The following LAPTM4B variants were observed in gnomAD, a reference collection of about 807,000 sequenced individuals.
LAPTM4B encodes the protein lysosomal-associated transmembrane protein 4B.
LAPTM4B carries 26 observed loss-of-function variants against 28.5 expected under a neutral mutation model. The ratio of observed to expected loss-of-function variants is 0.91; its 90% confidence interval spans 0.67 to 1.27. LAPTM4B has a LOEUF of 1.27. Among genes scored for constraint, LAPTM4B ranks in the 50% most tolerant of loss-of-function variants. The probability of loss-of-function intolerance (pLI) is 0.00; values close to 1 mark genes in which losing one functional copy is unlikely to be tolerated. For synonymous variants in LAPTM4B, 109 were observed against 106.4 expected (o/e 1.02, Z -0.15); for missense variants, 288 against 285.8 (o/e 1.01, Z -0.06).
chr8:97,849,915 G>A (rs1424310014), intron 6 of LAPTM4B, among the ~76,000 whole-genome samples: 1 of 149,294 alleles, frequency 6.7e-6, no homozygotes, highest in Non-Finnish European at 1.5e-5. Context: ...CGGTGGCAGC[G>A]CCTCTCAGGC....
At chr8:97,801,823 G>T (rs1003594191) in intron 1 of LAPTM4B, among the ~76,000 whole-genome samples, 3 of 135,154 alleles carry the variant, frequency 2.2e-5, no homozygotes, top group African/African-American at 8.6e-5. Flanking sequence ...CAGCCTGGGC[G>T]ACAGTGCGAA....
At chr8:97,823,031 CAG>C (rs1448141847) in intron 5 of LAPTM4B, among the ~76,000 whole-genome samples, 8 of 151,888 alleles carry the variant, frequency 5.3e-5, no homozygotes, top group Admixed American at 4.6e-4. Flanking sequence ...TTACTAGAGA[CAG>C]GGTTTCATCG....
intron 5 of LAPTM4B, among the ~76,000 whole-genome samples, chr8:97,823,088 A>G (rs928299347): frequency 6.6e-5 from 10 of 152,042 alleles, no homozygotes; most frequent in African/African-American, 9.7e-5. Context: ...TGATCCGCCC[A>G]CCTCGGCCTC....
chr8:97,787,287 CT>C (rs777122592), intron 1 of LAPTM4B, among the ~76,000 whole-genome samples: 267 of 129,490 alleles, frequency 2.1e-3, no homozygotes, highest in African/African-American at 3.0e-3. Flanking sequence ...ATGTTTCTTT[CT>C]TTTTTTTTTT....
intron 1 of LAPTM4B, among the ~76,000 whole-genome samples, chr8:97,788,897 T>C (rs1816451629): frequency 6.6e-6 from 1 of 151,874 alleles, no homozygotes; most frequent in Admixed American, 6.6e-5. Context: ...GGTTTCACCA[T>C]GTTGACCAGG....
Position 97,788,192 on chromosome 8 carries a change from C to T in LAPTM4B, c.99+12084C>T, listed in dbSNP as rs12678572. ...TTGACACAGTGTAAATATGTGTCAT[C>T]TTGTGTGTAATTCCTTATAGATCCA... On this transcript the variant is annotated intron_variant, in intron 1 of 6. Coordinates refer to ENST00000521545, the MANE Select transcript of LAPTM4B (RefSeq NM_018407.6). The T allele has an allele frequency of 0.025, 5,779 of 230,892 alleles. 504 individuals are homozygous for T. The East Asian group carries it at 0.33, about 13-fold the overall frequency. The allele number at this position is 230,892 out of a possible 1,614,324, so 14.3% of individuals were successfully genotyped here.
chr8:97,804,792 A>ACTGGC (rs370311995), intron 1 of LAPTM4B, among the ~76,000 whole-genome samples: 85 of 152,034 alleles, frequency 5.6e-4, no homozygotes, highest in East Asian at 7.7e-4. Context: ...AGACAGGACT[A>ACTGGC]CTGGCCTGGC....
chr8:97,819,763 C>A (rs1816975995), intron 5 of LAPTM4B, among the ~76,000 whole-genome samples: 1 of 123,314 alleles, frequency 8.1e-6, no homozygotes, highest in Non-Finnish European at 1.6e-5. Flanking sequence ...GAGATGGAGT[C>A]TCGCTCTGTC....
chr8:97,787,922 C>T (rs1816432297), intron 1 of LAPTM4B, among the ~76,000 whole-genome samples: 1 of 152,156 alleles, frequency 6.6e-6, no homozygotes, highest in South Asian at 2.1e-4. Context: ...GCAACCTCTT[C>T]TCCCAGGTTC....
In LAPTM4B at chr8:97,819,197, C is replaced by CT; in HGVS notation, c.468dup (p.Ile157TyrfsTer7). ...GTCAGTGAATCCTACCTGTTTGGTCCTTATTATTCTTCTGTTTATTAGCAT... is the reference window on the plus strand; with the variant it reads ...GTCAGTGAATCCTACCTGTTTGGTCCTTTATTATTCTTCTGTTTATTAGCAT... On this transcript the variant is annotated frameshift_variant, in exon 5 of 7. Coordinates refer to ENST00000521545, the MANE Select transcript of LAPTM4B (RefSeq NM_018407.6). LOFTEE classifies it high-confidence loss of function. The CT allele has an allele frequency of 6.2e-7, 1 of 1,608,018 alleles. No individual in the cohort carries two copies. The highest frequency in any genetic ancestry group is 8.5e-7 in the Non-Finnish European group (1 of 1,175,712).
intron 1 of LAPTM4B, among the ~76,000 whole-genome samples, chr8:97,779,691 A>G (rs1276341322): frequency 1.3e-5 from 2 of 151,378 alleles, no homozygotes; most frequent in African/African-American, 2.4e-5. Context: ...AGGCTGAGGC[A>G]TGAGAATTGC....
intron 5 of LAPTM4B, among the ~76,000 whole-genome samples, chr8:97,820,979 G>A (rs1006125684): frequency 1.1e-4 from 16 of 151,436 alleles, no homozygotes; most frequent in African/African-American, 3.9e-4. Context: ...TGCCTGCCTC[G>A]GCCTCCCAAA....
intron 6 of LAPTM4B, among the ~76,000 whole-genome samples, chr8:97,842,066 T>G (rs1441969831): frequency 1.3e-5 from 2 of 152,172 alleles, no homozygotes; most frequent in African/African-American, 4.8e-5. Flanking sequence ...TTTCAGGTTT[T>G]GGGGGCCATA....
intron 3 of LAPTM4B, among the ~76,000 whole-genome samples, 186 bp from the exon 4 acceptor site, chr8:97,815,872 C>G (rs1157278159): frequency 6.6e-6 from 1 of 152,134 alleles, no homozygotes; most frequent in Non-Finnish European, 1.5e-5. Flanking sequence ...ACAGCCAGTC[C>G]TGGAAATGTT....
chr8:97,789,123 G>A (rs1312435112), intron 1 of LAPTM4B, among the ~76,000 whole-genome samples: 3 of 151,470 alleles, frequency 2.0e-5, no homozygotes, highest in Non-Finnish European at 4.4e-5. Context: ...GCCCAGGCTG[G>A]AGTGCAGTGG....
In LAPTM4B at chr8:97,839,890, C is replaced by T. The variant is rs537939792; in HGVS notation, c.604-11507C>T. 3.9e-5 allele frequency among the ~76,000 whole-genome samples: 6 copies of T among 152,238 alleles called. No homozygotes were observed. In the East Asian group the frequency reaches 1.2e-3, roughly 29 times the overall value. The stretch of plus-strand genomic sequence containing the variant: ...GAATGTATTTCCCTTTCCATTATTG[C>T]AAGGGAGGTGGCAGGGAAGGATGTG... On this transcript the variant is annotated intron_variant, in intron 6 of 6. Coordinates refer to ENST00000521545, the MANE Select transcript of LAPTM4B (RefSeq NM_018407.6).
intron 1 of LAPTM4B, among the ~76,000 whole-genome samples, chr8:97,787,623 G>A (rs916242371): frequency 1.3e-5 from 2 of 152,004 alleles, no homozygotes; most frequent in African/African-American, 4.8e-5. Flanking sequence ...TTAAAGTCTG[G>A]GGTTAATAAT....
intron 2 of LAPTM4B, among the ~76,000 whole-genome samples, chr8:97,809,993 A>C: frequency 6.6e-6 from 1 of 152,230 alleles, no homozygotes; most frequent in African/African-American, 2.4e-5. Context: ...TGTCGCACAC[A>C]ATCTGGGCTT....
intron 5 of LAPTM4B, among the ~76,000 whole-genome samples, chr8:97,820,969 T>G (rs1816993542): frequency 6.6e-6 from 1 of 151,736 alleles, no homozygotes; most frequent in African/African-American, 2.4e-5. Context: ...TCAGGTGATT[T>G]GCCTGCCTCG....
Sources: allele counts gnomAD v4.1 joint callset (sites outside exome capture counted in the v4.1 genomes callset), GRCh38; gene constraint gnomAD v4.1.1; transcripts MANE v1.5; gene names NCBI Gene and HGNC (gene_info 2026-07-23, HGNC 2026-07-21).